The following ARHGAP22 variants were observed in gnomAD, a reference collection of about 807,000 sequenced individuals.
The protein encoded by ARHGAP22 is Rho GTPase activating protein 22.
In ARHGAP22, 48 loss-of-function variants were observed where a neutral mutation model predicts 59.1. The observed-to-expected ratio is 0.81, with a 90% CI of 0.64 to 1.03. The LOEUF (loss-of-function observed/expected upper bound fraction) is 1.03, where lower values mean the gene tolerates loss of function less well. Among genes scored for constraint, ARHGAP22 ranks in the 50% least tolerant of loss-of-function variants. The probability of loss-of-function intolerance (pLI) is 0.00; values close to 1 mark genes in which losing one functional copy is unlikely to be tolerated. For synonymous variants in ARHGAP22, 445 were observed against 416.4 expected, an observed-to-expected ratio of 1.07 and a Z score of -0.84; for missense variants, 1,015 against 958.7, an observed-to-expected ratio of 1.06 and a Z score of -0.78.
chr10:48,442,975 G>A (rs1211730258), downstream of ARHGAP22, among the ~76,000 whole-genome samples: 1 of 152,152 alleles, frequency 6.6e-6, no homozygotes, highest in African/African-American at 2.4e-5. Flanking sequence ...ACATGCGGCA[G>A]GGGCAGGATG....
At chr10:48,530,236 CAAAAAAAAAAAAAAA>C (rs60902650) in intron 3 of ARHGAP22, among the ~76,000 whole-genome samples, 3 of 49,040 alleles carry the variant, frequency 6.1e-5, no homozygotes, top group Non-Finnish European at 1.2e-4. Context: ...GACTCCATTG[CAAAAAAAAAAAAAAA>C]AAAAAAAAAA....
intron 3 of ARHGAP22, among the ~76,000 whole-genome samples, chr10:48,485,984 C>T (rs1245672395): frequency 2.0e-5 from 3 of 152,088 alleles, no homozygotes; most frequent in Non-Finnish European, 4.4e-5. Flanking sequence ...AGATTTAAGT[C>T]TGGCTTCTGT....
intron 3 of ARHGAP22, among the ~76,000 whole-genome samples, chr10:48,497,379 G>T (rs904727533): frequency 5.9e-5 from 9 of 152,222 alleles, no homozygotes; most frequent in Non-Finnish European, 1.3e-4. Context: ...CTCCTCAGCA[G>T]CGCTCAGCCA....
At chr10:48,508,388 G>A (rs977993919) in intron 3 of ARHGAP22, among the ~76,000 whole-genome samples, 1 of 152,224 alleles carries the variant, frequency 6.6e-6, no homozygotes, top group Non-Finnish European at 1.5e-5. Flanking sequence ...ACTTCAGTGC[G>A]GCTGGCATGG....
chr10:48,505,165 T>C (rs1189586735), intron 3 of ARHGAP22, among the ~76,000 whole-genome samples: 2 of 152,208 alleles, frequency 1.3e-5, no homozygotes, highest in African/African-American at 2.4e-5. Flanking sequence ...GCGATTCTCC[T>C]GCCTCAGCTT....
At chr10:48,473,393 G>A (rs9733022) in intron 4 of ARHGAP22, among the ~76,000 whole-genome samples, 182 of 152,310 alleles carry the variant, frequency 1.2e-3, no homozygotes, top group African/African-American at 4.2e-3. Context: ...AGGGATGGTG[G>A]TGATGGTTGT....
chr10:48,611,423 G>A (rs571160505), intron 1 of ARHGAP22, among the ~76,000 whole-genome samples: 3 of 152,138 alleles, frequency 2.0e-5, no homozygotes, highest in Non-Finnish European at 4.4e-5. Context: ...AGAAAAGAAG[G>A]GGGGAGGTCG....
At chr10:48,648,247 G>A (rs183331912) in intron 1 of ARHGAP22, among the ~76,000 whole-genome samples, 235 of 152,242 alleles carry the variant, frequency 1.5e-3, no homozygotes, top group Middle Eastern at 6.8e-3. Flanking sequence ...CCAATGCCAT[G>A]AAGAAAAAAA....
intron 1 of ARHGAP22, among the ~76,000 whole-genome samples, chr10:48,615,230 T>A (rs10857610): frequency 3.3e-5 from 5 of 152,012 alleles, no homozygotes; most frequent in Non-Finnish European, 5.9e-5. Flanking sequence ...CGGTTGTAAA[T>A]TTCTGGGCTG....
At position 48,450,426 on chromosome 10, in the gene ARHGAP22, T is replaced by TGGTCCA; in HGVS notation, c.1697_1702dup (p.Leu566_Asp567dup). On this transcript the variant is annotated inframe_insertion, in exon 9 of 10. Coordinates refer to ENST00000249601, the MANE Select transcript of ARHGAP22 (RefSeq NM_021226.4). ...ACCCGCGCCCGCCTCGTCCATGCTGTGGTCCAGGTCCAGGGACTTGGGGTC... is the reference window on the plus strand; with the variant it reads ...ACCCGCGCCCGCCTCGTCCATGCTGTGGTCCAGGTCCAGGTCCAGGGACTTGGGGTC... The TGGTCCA allele has an allele frequency of 1.9e-6, 3 of 1,566,946 alleles. No homozygotes were observed. The highest frequency in any genetic ancestry group is 2.6e-6 in the Non-Finnish European group (3 of 1,156,780).
At chr10:48,579,620 G>T (rs1172400780) in intron 2 of ARHGAP22, among the ~76,000 whole-genome samples, 1 of 152,062 alleles carries the variant, frequency 6.6e-6, no homozygotes, top group Non-Finnish European at 1.5e-5. Flanking sequence ...GATGGGGAGA[G>T]GGGAAGAGAT....
chr10:48,589,127 C>T (rs2059606370), intron 1 of ARHGAP22, among the ~76,000 whole-genome samples: 1 of 152,204 alleles, frequency 6.6e-6, no homozygotes, highest in Non-Finnish European at 1.5e-5. Flanking sequence ...CCAGTCCCCA[C>T]CAACTCCTTG....
rs1233522352 is a variant in ARHGAP22, at chr10:48,605,032, G to A, written c.-236C>T. 3 of 1,430,622 alleles carry A rather than the reference G, an allele frequency of 2.1e-6. No individual in the cohort carries two copies. Among genetic ancestry groups the A allele is most frequent in the Non-Finnish European group, 2.7e-6 (3 of 1,095,008 alleles). The allele number at this position is 1,430,622 out of a possible 1,614,324, so 88.6% of individuals were successfully genotyped here. A position where few individuals can be genotyped will look rare whatever the true frequency, so the allele number is the denominator to read the frequency against. ...CATCCCAGAATTAATTCCCATCCAA[G>A]CGGACCATTAAAGCCTCAGTAATCA... On this transcript the variant is annotated 5_prime_UTR_variant, in exon 1 of 10. Transcript: ENST00000249601.
intron 1 of ARHGAP22, among the ~76,000 whole-genome samples, chr10:48,649,834 C>T (rs984793442): frequency 3.3e-5 from 5 of 152,078 alleles, no homozygotes; most frequent in East Asian, 1.9e-4. Context: ...GGTAGGTTCT[C>T]GATGTGGCAA....
At chr10:48,529,104 T>C (rs2054593120) in intron 3 of ARHGAP22, among the ~76,000 whole-genome samples, 1 of 152,180 alleles carries the variant, frequency 6.6e-6, no homozygotes, top group Admixed American at 6.5e-5. Flanking sequence ...AGTCACAACA[T>C]GGCATTTAGG....
At chr10:48,587,474 T>C (rs2059498515) in intron 1 of ARHGAP22, among the ~76,000 whole-genome samples, 1 of 152,234 alleles carries the variant, frequency 6.6e-6, no homozygotes, top group African/African-American at 2.4e-5. Flanking sequence ...CACCAGTGCC[T>C]GGGCTTTTTT....
chr10:48,517,671 G>A (rs1240623706), intron 3 of ARHGAP22, among the ~76,000 whole-genome samples: 7 of 152,036 alleles, frequency 4.6e-5, no homozygotes, highest in Non-Finnish European at 8.8e-5. Flanking sequence ...CGTTGACCCC[G>A]GCTATGTGCT....
chr10:48,502,603 C>T (rs1469606854), intron 3 of ARHGAP22, among the ~76,000 whole-genome samples: 7 of 152,182 alleles, frequency 4.6e-5, no homozygotes, highest in African/African-American at 1.4e-4. Flanking sequence ...ATTCTTCATG[C>T]CTCCAGGTGT....
rs373675879 is a variant in ARHGAP22 at position 48,450,277 on chromosome 10, C to T, written c.1852G>A (p.Glu618Lys). 6.9e-5 allele frequency: 111 copies of T among 1,609,712 alleles called. No individual in the cohort carries two copies. The highest frequency in any genetic ancestry group is 8.8e-5 in the Non-Finnish European group (104 of 1,178,662). Reference protein sequence around the residue: ...AELCRQRTEYERSVKRIEEGS... With the variant: ...AELCRQRTEYKRSVKRIEEGS... ...GCAAGTTACCTTTTCACACTCCTCT[C>T]GTACTCAGTCCGCTGGCGGCACAGC... is the stretch of plus-strand genomic sequence containing the variant. The change falls in exon 9 of 10, where the codon GAG becomes AAG. Residue 618 changes from glutamate to lysine, a missense_variant. Physicochemically the swap from Glu to Lys is moderately conservative, Grantham distance 56. Transcript: ENST00000249601.
Sources: gnomAD v4.1 joint callset for allele counts (sites outside exome capture counted in the v4.1 genomes callset) on GRCh38, gnomAD v4.1.1 for gene constraint, MANE v1.5 for transcripts, NCBI Gene and HGNC (gene_info 2026-07-23, HGNC 2026-07-21) for gene names.